The following EXOC6B variants were observed in gnomAD, a reference collection of about 807,000 sequenced individuals.
EXOC6B encodes the protein SEC15 homolog B.
In EXOC6B, 54 loss-of-function variants were observed where a neutral mutation model predicts 113.5. The ratio of observed to expected loss-of-function variants is 0.48; its 90% CI spans 0.38 to 0.60. EXOC6B has a LOEUF of 0.60. Among genes scored for constraint, EXOC6B ranks in the 20% least tolerant of loss-of-function variants. The pLI is 0.00. For synonymous variants in EXOC6B, 357 were observed against 339.0 expected (o/e 1.05, Z -0.58); for missense variants, 797 against 977.5 (o/e 0.82, Z 2.46).
intron 6 of EXOC6B, among the ~76,000 whole-genome samples, chr2:72,690,262 T>C (rs188714015): frequency 6.6e-6 from 1 of 152,342 alleles, no homozygotes; most frequent in African/African-American, 2.4e-5. Flanking sequence ...CTATAGATCA[T>C]AAAAATGACT....
intron 6 of EXOC6B, among the ~76,000 whole-genome samples, chr2:72,645,028 T>G (rs571064602): frequency 3.9e-5 from 6 of 152,264 alleles, no homozygotes; most frequent in African/African-American, 1.4e-4. Context: ...CAGTGTGCTG[T>G]ATTCAGGAGA....
chr2:72,741,391 A>C lies in EXOC6B; in HGVS notation c.192T>G (p.Ile64Met). 1 of 1,613,530 alleles carries C rather than the reference A, an allele frequency of 6.2e-7. No homozygotes were observed. The highest frequency in any genetic ancestry group is 8.5e-7 in the Non-Finnish European group (1 of 1,179,768). The change falls in exon 2 of 22, where the codon ATT becomes ATG. Residue 64 changes from isoleucine (I) to methionine (M), a missense_variant. Physicochemically the swap from Ile to Met is conservative, Grantham distance 10. Transcript: ENST00000272427. ...ETRIRNHDRE[I>M]EKMCNFHYQG... ...GGTAATGAAAGTTGCACATTTTCTC[A>C]ATTTCTCGGTCGTGATTACGGATAC...
chr2:72,481,922 G>A (rs1198310928), intron 16 of EXOC6B, among the ~76,000 whole-genome samples: 1 of 152,142 alleles, frequency 6.6e-6, no homozygotes, highest in Non-Finnish European at 1.5e-5. Context: ...AGACCTTCAT[G>A]ATTCATTTTC....
At chr2:72,591,450 TA>T (rs1047935951) in intron 6 of EXOC6B, among the ~76,000 whole-genome samples, 1 of 152,076 alleles carries the variant, frequency 6.6e-6, no homozygotes, top group Non-Finnish European at 1.5e-5. Flanking sequence ...ATCATATTCC[TA>T]AGAAACAATA....
chr2:72,435,555 TCTTTAAGAACTTG>T, intron 18 of EXOC6B, among the ~76,000 whole-genome samples: 1 of 152,306 alleles, frequency 6.6e-6, no homozygotes, highest in Non-Finnish European at 1.5e-5. Flanking sequence ...TTCTTGTAGG[TCTTTAAGAACTTG>T]CTTTATGAAT....
At chr2:72,401,941 G>A (rs1042663842) in intron 18 of EXOC6B, among the ~76,000 whole-genome samples, 1 of 151,278 alleles carries the variant, frequency 6.6e-6, no homozygotes, top group Non-Finnish European at 1.5e-5. Flanking sequence ...AGAAGATAAT[G>A]AGATTGCTGA....
intron 6 of EXOC6B, among the ~76,000 whole-genome samples, chr2:72,636,220 A>T (rs1558866585): frequency 6.6e-6 from 1 of 151,634 alleles, no homozygotes; most frequent in Non-Finnish European, 1.5e-5. Flanking sequence ...ACCATGTATT[A>T]AATATCTTTT....
At chr2:72,562,444 C>T (rs1703940900) in intron 7 of EXOC6B, among the ~76,000 whole-genome samples, 1 of 152,054 alleles carries the variant, frequency 6.6e-6, no homozygotes, top group African/African-American at 2.4e-5. Flanking sequence ...TTGACCCTGT[C>T]TCCCCTCAAG....
chr2:72,766,617 C>T (rs369802855), intron 1 of EXOC6B, among the ~76,000 whole-genome samples: 5 of 151,814 alleles, frequency 3.3e-5, no homozygotes, highest in African/African-American at 9.7e-5. Flanking sequence ...TTTAAAATTC[C>T]GAACTCCATA....
intron 1 of EXOC6B, among the ~76,000 whole-genome samples, chr2:72,774,110 G>T (rs944998882): frequency 6.6e-6 from 1 of 152,056 alleles, no homozygotes; most frequent in African/African-American, 2.4e-5. Context: ...GGGTTGTATA[G>T]GTTTTCCAAA....
intron 20 of EXOC6B, among the ~76,000 whole-genome samples, chr2:72,209,840 CATATTTGA>C (rs1680076335): frequency 6.6e-6 from 1 of 152,158 alleles, no homozygotes; most frequent in Admixed American, 6.5e-5. Context: ...TACAACTGTG[CATATTTGA>C]ATACACTCTT....
At position 72,575,542 on chromosome 2, in the gene EXOC6B, C is replaced by T; in HGVS notation, c.796G>A (p.Glu266Lys). The change falls in exon 7 of 22, where the codon GAA (glutamate) becomes AAA (lysine). Residue 266 changes from glutamate to lysine, a missense_variant. Coordinates refer to ENST00000272427, the MANE Select transcript of EXOC6B (RefSeq NM_015189.3). ...ACATCCAGAATTCCTGAATCCTGTTCAGACTTCGGACTAGTACTTTCTATC... is the reference window on the plus strand; with the variant it reads ...ACATCCAGAATTCCTGAATCCTGTTTAGACTTCGGACTAGTACTTTCTATC... ...TEIESTSPKS[E>K]QDSGILDVED... is the part of the protein sequence containing the mutation. 1 of 1,610,374 alleles carries T rather than the reference C, an allele frequency of 6.2e-7. No individual in the cohort carries two copies. The highest frequency in any genetic ancestry group is 8.5e-7 in the Non-Finnish European group (1 of 1,178,736).
chr2:72,408,717 A>C (rs1573054638), intron 18 of EXOC6B, among the ~76,000 whole-genome samples: 2 of 152,218 alleles, frequency 1.3e-5, no homozygotes, highest in African/African-American at 2.4e-5. Flanking sequence ...AAATTAAGTT[A>C]AGATGGATTA....
chr2:72,645,488 T>C (rs1043027622), intron 6 of EXOC6B, among the ~76,000 whole-genome samples: 1 of 152,142 alleles, frequency 6.6e-6, no homozygotes, highest in Non-Finnish European at 1.5e-5. Context: ...AGAATATACA[T>C]TCATCTCAGC....
intron 20 of EXOC6B, among the ~76,000 whole-genome samples, chr2:72,260,087 G>T (rs916979178): frequency 6.6e-6 from 1 of 151,900 alleles, no homozygotes; most frequent in Non-Finnish European, 1.5e-5. Context: ...GAGAGAGAGA[G>T]AGAAAAAGGA....
At chr2:72,277,387 A>G (rs6742264) in intron 20 of EXOC6B, among the ~76,000 whole-genome samples, 56,349 of 151,964 alleles carry the variant, frequency 0.37, 13,300 homozygotes, top group African/African-American at 0.67. Context: ...CCACCACAGC[A>G]TAGAATCATA....
At chr2:72,323,317 T>A (rs1687948127) in intron 20 of EXOC6B, among the ~76,000 whole-genome samples, 1 of 152,134 alleles carries the variant, frequency 6.6e-6, no homozygotes, top group East Asian at 1.9e-4. Flanking sequence ...ATGGTGATCA[T>A]TAAAAAGTCA....
intron 6 of EXOC6B, among the ~76,000 whole-genome samples, chr2:72,640,171 G>A (rs571206261): frequency 2.0e-4 from 30 of 152,132 alleles, no homozygotes; most frequent in African/African-American, 7.0e-4. Flanking sequence ...TAGAAAAGAT[G>A]GTAACTGAAC....
chr2:72,783,597 C>T (rs1558998829), intron 1 of EXOC6B, among the ~76,000 whole-genome samples: 1 of 152,072 alleles, frequency 6.6e-6, no homozygotes, highest in Non-Finnish European at 1.5e-5. Context: ...GCTGAGATTA[C>T]AGGAGTGAGC....
Sources: gnomAD v4.1 joint callset for allele counts (sites outside exome capture counted in the v4.1 genomes callset) on GRCh38, gnomAD v4.1.1 for gene constraint, MANE v1.5 for transcripts, NCBI Gene and HGNC (gene_info 2026-07-23, HGNC 2026-07-21) for gene names.